GPR149: variants seen among roughly 807,000 people sequenced by gnomAD.
The protein encoded by GPR149 is G protein-coupled receptor 149.
GPR149 carries 50 observed loss-of-function variants against 50.2 expected under a neutral mutation model. That is an observed-to-expected ratio of 1.00 (90% CI 0.79 to 1.26). The LOEUF (loss-of-function observed/expected upper bound fraction) is 1.26. Ranked by LOEUF, GPR149 falls within the 50% of genes most tolerant of loss-of-function variation. GPR149 has a pLI of 0.00. For synonymous variants in GPR149, 405 were observed against 358.2 expected (o/e 1.13, Z -1.48); for missense variants, 983 against 895.4 (o/e 1.10, Z -1.25).
intron 3 of GPR149, chr3:154,354,240 C>A: frequency 2.2e-6 from 1 of 463,674 alleles, no homozygotes; most frequent in South Asian, 1.8e-5. Flanking sequence ...TTCCTTCTGT[C>A]ACTCCAGCAC....
chr3:154,402,984 T>C (rs1711583725), intron 3 of GPR149, among the ~76,000 whole-genome samples: 1 of 152,212 alleles, frequency 6.6e-6, no homozygotes, highest in Non-Finnish European at 1.5e-5. Flanking sequence ...GAAAAACATA[T>C]TGATTGCAAG....
intron 3 of GPR149, among the ~76,000 whole-genome samples, chr3:154,410,041 A>G (rs1490150235): frequency 1.3e-5 from 2 of 152,178 alleles, no homozygotes; most frequent in African/African-American, 4.8e-5. Flanking sequence ...TCTCAGCAGA[A>G]ATCCTACAAC....
intron 3 of GPR149, among the ~76,000 whole-genome samples, chr3:154,374,169 C>CTTTTTTTTTTTTTTTTTTTTTTTT (rs3069044): frequency 9.7e-6 from 1 of 103,174 alleles, no homozygotes; most frequent in Non-Finnish European, 1.8e-5. Context: ...CTTTTCTTTT[C>CTTTTTTTTTTTTTTTTTTTTTTTT]TTTTTTTTTT....
chr3:154,363,767 G>A (rs1007455907), intron 3 of GPR149, among the ~76,000 whole-genome samples: 10 of 152,094 alleles, frequency 6.6e-5, no homozygotes, highest in African/African-American at 2.4e-4. Flanking sequence ...ATCCAAAGGT[G>A]CTTTTTCCAA....
rs866900983 is a variant in GPR149 at position 154,429,770 on chromosome 3, C to T, written c.-155G>A. The T allele has an allele frequency of 2.6e-5, 16 of 613,020 alleles. No individual in the cohort carries two copies. In the South Asian group the frequency reaches 3.4e-4, roughly 13 times the overall value. The allele number at this position is 613,020 out of a possible 1,614,324, so 38.0% of individuals were successfully genotyped here. A position where few individuals can be genotyped will look rare whatever the true frequency, so the allele number is the denominator to read the frequency against. ...CTGCAGAAAATGGTCAGCCATGTCT[C>T]CTTTAGATCTGACTCAAGCTATATT... On this transcript the variant is annotated 5_prime_UTR_variant, in exon 1 of 4. Transcript: ENST00000389740.
chr3:154,363,565 AC>A (rs1181632377), intron 3 of GPR149, among the ~76,000 whole-genome samples: 1 of 151,486 alleles, frequency 6.6e-6, no homozygotes. Flanking sequence ...CCTGATAGTG[AC>A]AGGAAACAGA....
At chr3:154,420,933 T>A in intron 3 of GPR149, 106 bp downstream of exon 3, 1 of 781,844 alleles carries the variant, frequency 1.3e-6, no homozygotes, top group South Asian at 1.9e-5. Context: ...GCAAGTGAAG[T>A]TAATGTTGGG....
Position 154,367,817 on chromosome 3 carries a change from A to G in GPR149, c.1624-29546T>C, listed in dbSNP as rs150427933. 7.2e-3 allele frequency among the ~76,000 whole-genome samples: 1,096 copies of G among 152,350 alleles called. 12 individuals are homozygous for G. Among genetic ancestry groups the G allele is most frequent in the African/African-American group, 0.025 (1,058 of 41,574 alleles). On this transcript the variant is annotated intron_variant, in intron 3 of 3. Coordinates refer to ENST00000389740, the MANE Select transcript of GPR149 (RefSeq NM_001038705.3). ...GGAGTTACATTTTGGCGAGCCAGCC[A>G]GGAGGATCTCCAGGAAAGGCATCTC... is the stretch of plus-strand genomic sequence containing the variant.
chr3:154,423,535 T>A (rs1351022816), intron 2 of GPR149, among the ~76,000 whole-genome samples: 1 of 151,898 alleles, frequency 6.6e-6, no homozygotes, highest in Non-Finnish European at 1.5e-5. Context: ...TGTTAGTGAC[T>A]TATCACTTAA....
intron 3 of GPR149, among the ~76,000 whole-genome samples, chr3:154,416,046 G>A (rs1711977977): frequency 6.6e-6 from 1 of 151,744 alleles, no homozygotes; most frequent in Non-Finnish European, 1.5e-5. Flanking sequence ...TTCATTTTAA[G>A]CTAATAATAT....
At chr3:154,364,088 C>T (rs1327592847) in intron 3 of GPR149, among the ~76,000 whole-genome samples, 2 of 152,174 alleles carry the variant, frequency 1.3e-5, no homozygotes, top group African/African-American at 4.8e-5. Flanking sequence ...TGCTGGGCAC[C>T]ACTCCCTCCT....
chr3:154,388,315 C>T (rs951245124), intron 3 of GPR149, among the ~76,000 whole-genome samples: 4 of 151,948 alleles, frequency 2.6e-5, no homozygotes, highest in Non-Finnish European at 5.9e-5. Flanking sequence ...TATATATACA[C>T]ACACACACAC....
intron 3 of GPR149, among the ~76,000 whole-genome samples, chr3:154,403,691 A>G (rs1435672550): frequency 1.3e-5 from 2 of 152,204 alleles, no homozygotes; most frequent in Non-Finnish European, 2.9e-5. Context: ...GCTTCATGAA[A>G]AATACAATTC....
At chr3:154,409,710 G>A (rs1711784419) in intron 3 of GPR149, among the ~76,000 whole-genome samples, 1 of 152,012 alleles carries the variant, frequency 6.6e-6, no homozygotes, top group Admixed American at 6.6e-5. Flanking sequence ...AATGTACAAA[G>A]CCTACAAGAA....
At chr3:154,423,930 T>G (rs189145442) in intron 2 of GPR149, among the ~76,000 whole-genome samples, 46 of 151,982 alleles carry the variant, frequency 3.0e-4, no homozygotes, top group South Asian at 1.4e-3. Flanking sequence ...ACATGTGCCA[T>G]GTTGGTGTGC....
intron 3 of GPR149, among the ~76,000 whole-genome samples, chr3:154,357,951 T>C (rs941651623): frequency 6.6e-6 from 1 of 152,158 alleles, no homozygotes; most frequent in Non-Finnish European, 1.5e-5. Flanking sequence ...CATGGAATAC[T>C]ATGCAGCCAT....
intron 2 of GPR149, among the ~76,000 whole-genome samples, chr3:154,423,653 G>A (rs909577929): frequency 6.6e-6 from 1 of 151,666 alleles, no homozygotes; most frequent in African/African-American, 2.4e-5. Flanking sequence ...GTAAGGGGGC[G>A]AATCCCTATA....
At chr3:154,345,408 G>A (rs1249807462) in intron 3 of GPR149, among the ~76,000 whole-genome samples, 2 of 152,222 alleles carry the variant, frequency 1.3e-5, no homozygotes, top group African/African-American at 4.8e-5. Context: ...GATACATTCA[G>A]AGAGCATAAA....
At chr3:154,388,871 AACACACACAC>A (rs58641317) in intron 3 of GPR149, among the ~76,000 whole-genome samples, 8 of 144,950 alleles carry the variant, frequency 5.5e-5, no homozygotes, top group African/African-American at 7.6e-5. Context: ...ACATATGAAA[AACACACACAC>A]ACACACACAC....
Sources: gnomAD v4.1 joint callset for allele counts (sites outside exome capture counted in the v4.1 genomes callset) on GRCh38, gnomAD v4.1.1 for gene constraint, MANE v1.5 for transcripts, NCBI Gene and HGNC (gene_info 2026-07-23, HGNC 2026-07-21) for gene names.